ZNF718: variants seen among roughly 807,000 people sequenced by gnomAD.
ZNF718 encodes the protein zinc finger protein 718.
Under a neutral mutation model 2.6 loss-of-function variants are expected in ZNF718, and 3 were observed. The observed-to-expected ratio is 1.16, with a 90% CI of 0.53 to 3.01. The LOEUF (loss-of-function observed/expected upper bound fraction) is 3.01, where lower values mean the gene tolerates loss of function less well. Among genes scored for constraint, ZNF718 ranks in the 30% most tolerant of loss-of-function variants. ZNF718 has a pLI of 0.03. For missense variants in ZNF718, 468 were observed against 230.0 expected, an observed-to-expected ratio of 2.03 and a Z score of -6.69; for synonymous variants, 135 against 77.9, an observed-to-expected ratio of 1.73 and a Z score of -3.86.
chr4:187,040 T>G (rs1366155514), intron 3 of ZNF718, among the ~76,000 whole-genome samples: 2 of 152,198 alleles, frequency 1.3e-5, no homozygotes, highest in Non-Finnish European at 2.9e-5. Flanking sequence ...TGTGGGCTTA[T>G]CTATTTTCAA....
In ZNF718 at chr4:130,258, T is replaced by G; in HGVS notation, c.4-530T>G. 1.9e-5 allele frequency among the ~76,000 whole-genome samples: 2 copies of G among 103,914 alleles called. 1 individual carries two copies. Among genetic ancestry groups the G allele is most frequent in the Non-Finnish European group, 4.3e-5 (2 of 46,678 alleles). 68.2% of individuals were successfully genotyped at this position (103,914 alleles called of 152,430 possible). ...ATAAGAAGCTAATTCATGGACCCTT[T>G]TCAAACCTGCAGAATTTTGTTACTT... On this transcript the variant is annotated intron_variant, in intron 1 of 3. Coordinates refer to ENST00000510175, the MANE Select transcript of ZNF718 (RefSeq NM_001039127.6).
chr4:197,511 G>C (rs1717816347), intron 3 of ZNF718, among the ~76,000 whole-genome samples: 1 of 152,104 alleles, frequency 6.6e-6, no homozygotes, highest in African/African-American at 2.4e-5. Flanking sequence ...GATTAGACCT[G>C]ACCCACTCCA....
intron 3 of ZNF718, among the ~76,000 whole-genome samples, 153 bp from the exon 4 acceptor site, chr4:160,759 G>A (rs186303721): frequency 1.2e-3 from 178 of 152,158 alleles, no homozygotes; most frequent in African/African-American, 3.9e-3. Flanking sequence ...CACCATGTTG[G>A]CCAGGCTGGT....
At chr4:200,123 G>A (rs1176406531) in intron 3 of ZNF718, among the ~76,000 whole-genome samples, 1 of 152,226 alleles carries the variant, frequency 6.6e-6, no homozygotes, top group Non-Finnish European at 1.5e-5. Flanking sequence ...TCAAACAGCT[G>A]TGTAGAGGAT....
intron 3 of ZNF718, among the ~76,000 whole-genome samples, chr4:171,017 G>A (rs1183219892): frequency 6.6e-6 from 1 of 152,110 alleles, no homozygotes; most frequent in Non-Finnish European, 1.5e-5. Context: ...TGTACAGATG[G>A]GGTTTTGGTG....
chr4:160,832 T>C, intron 3 of ZNF718, 80 bp from the exon 4 acceptor site: 1 of 662,890 alleles, frequency 1.5e-6, no homozygotes, highest in Non-Finnish European at 2.7e-6. Flanking sequence ...ATTACTGGCT[T>C]GAGCTATAGT....
chr4:126,397 A>G (rs1449883073), intron 1 of ZNF718, among the ~76,000 whole-genome samples: 1 of 152,222 alleles, frequency 6.6e-6, no homozygotes, highest in Non-Finnish European at 1.5e-5. Context: ...TCAGTTAAAT[A>G]GGTCATTTGT....
At chr4:151,090 TA>T (rs1229777442) in intron 3 of ZNF718, among the ~76,000 whole-genome samples, 2 of 152,188 alleles carry the variant, frequency 1.3e-5, no homozygotes, top group African/African-American at 4.8e-5. Flanking sequence ...TTGTTAGTCT[TA>T]TTTTTTAATT....
chr4:148,338 G>A lies in ZNF718; in HGVS notation c.227-12574G>A, dbSNP rs1445834904. 2.0e-5 allele frequency among the ~76,000 whole-genome samples: 3 copies of A among 152,096 alleles called. 1 individual carries two copies. In the South Asian group the frequency reaches 6.2e-4, roughly 32 times the overall value. On this transcript the variant is annotated intron_variant, in intron 3 of 3. Transcript: ENST00000510175. ...AAATCCACCATCAGGGCCAGGTGCA[G>A]TGACTCACATCTGTAATCCCTGCAC...
At chr4:146,162 A>G (rs1716049965) in intron 3 of ZNF718, among the ~76,000 whole-genome samples, 1 of 151,428 alleles carries the variant, frequency 6.6e-6, no homozygotes, top group Non-Finnish European at 1.5e-5. Context: ...TTCCATCCTT[A>G]TAACTTGAAA....
chr4:124,905 G>A, intron 1 of ZNF718: 2 of 493,312 alleles, frequency 4.1e-6, no homozygotes, highest in Non-Finnish European at 7.2e-6. Context: ...CCCGGGCTGT[G>A]GAGTGAGTAG....
intron 3 of ZNF718, among the ~76,000 whole-genome samples, chr4:148,179 A>G (rs1581442229): frequency 1.3e-5 from 2 of 152,310 alleles, no homozygotes; most frequent in South Asian, 2.1e-4. Flanking sequence ...TTACAGGGCT[A>G]CTTCAAGATT....
chr4:163,280 CT>C lies in ZNF718; in HGVS notation c.*1159del. On this transcript the variant is annotated 3_prime_UTR_variant, in exon 4 of 4. Coordinates refer to ENST00000510175, the MANE Select transcript of ZNF718 (RefSeq NM_001039127.6). ...GGCTCACTGCAAGCTCTGCCTCCCC[CT>C]GGGTTCACGCCATTCTCCTGCCTCA... 1 of 152,074 alleles carries C rather than the reference CT, an allele frequency of 6.6e-6. No individual in the cohort carries two copies. The highest frequency in any genetic ancestry group is 1.9e-4 in the East Asian group (1 of 5,154). The allele number at this position is 152,074 out of a possible 1,614,324, so 9.4% of individuals were successfully genotyped here. A position where few individuals can be genotyped will look rare whatever the true frequency, so the allele number is the denominator to read the frequency against.
At chr4:191,974 C>T (rs1028025217) in intron 3 of ZNF718, among the ~76,000 whole-genome samples, 2 of 152,172 alleles carry the variant, frequency 1.3e-5, no homozygotes, top group Non-Finnish European at 2.9e-5. Flanking sequence ...CCGTGGAACC[C>T]AGGGACTAGT....
chr4:184,314 C>T (rs111308193), intron 3 of ZNF718, among the ~76,000 whole-genome samples: 3,495 of 152,070 alleles, frequency 0.023, 72 homozygotes, highest in African/African-American at 0.058. Flanking sequence ...CCACATATAT[C>T]GATTTGTGTA....
At chr4:175,100 T>G (rs1312757863) in intron 3 of ZNF718, among the ~76,000 whole-genome samples, 4 of 152,198 alleles carry the variant, frequency 2.6e-5, no homozygotes, top group Non-Finnish European at 1.5e-5. Context: ...AACTTAACAT[T>G]ACACCAACAG....
intron 3 of ZNF718, among the ~76,000 whole-genome samples, chr4:148,499 C>G (rs1423391102): frequency 6.6e-6 from 1 of 151,302 alleles, no homozygotes; most frequent in Admixed American, 6.6e-5. Context: ...ATCCCGCTTA[C>G]TCAGGAGACT....
intron 3 of ZNF718, among the ~76,000 whole-genome samples, chr4:198,965 T>A (rs1717845207): frequency 6.6e-6 from 1 of 152,206 alleles, no homozygotes; most frequent in African/African-American, 2.4e-5. Flanking sequence ...CACAGGCAAG[T>A]AACTTGCCCA....
chr4:170,570 C>G (rs1050752237), intron 3 of ZNF718, among the ~76,000 whole-genome samples: 47 of 152,100 alleles, frequency 3.1e-4, no homozygotes, highest in African/African-American at 1.1e-3. Context: ...TTTCTCTAAA[C>G]TTCTCTTCTC....
Sources: allele counts gnomAD v4.1 joint callset (sites outside exome capture counted in the v4.1 genomes callset), GRCh38; gene constraint gnomAD v4.1.1; transcripts MANE v1.5; gene names NCBI Gene and HGNC (gene_info 2026-07-23, HGNC 2026-07-21).